Variants in COL19A1 observed in about 807,000 individuals in gnomAD.
The protein encoded by COL19A1 is collagen type XIX alpha 1 chain.
Under a neutral mutation model 190.2 loss-of-function variants are expected in COL19A1, and 159 were observed. The observed-to-expected ratio is 0.84, with a 90% CI of 0.73 to 0.95. COL19A1 has a LOEUF of 0.95. Among genes scored for constraint, COL19A1 ranks in the 40% least tolerant of loss-of-function variants. COL19A1 has a pLI of 0.00. For missense variants in COL19A1, 1,418 were observed against 1,431.9 expected, an observed-to-expected ratio of 0.99 and a Z score of 0.16; for synonymous variants, 509 against 458.9, an observed-to-expected ratio of 1.11 and a Z score of -1.39.
At chr6:70,168,998 T>C (rs987065590) in intron 40 of COL19A1, among the ~76,000 whole-genome samples, 1 of 152,120 alleles carries the variant, frequency 6.6e-6, no homozygotes, top group Admixed American at 6.5e-5. Flanking sequence ...TGATAATTGA[T>C]TCAATTTTAA....
intron 42 of COL19A1, among the ~76,000 whole-genome samples, chr6:70,177,341 A>G (rs1562246466): frequency 6.6e-6 from 1 of 152,074 alleles, no homozygotes; most frequent in Non-Finnish European, 1.5e-5. Flanking sequence ...ATAAGATAAG[A>G]TAAAGGCCCT....
At chr6:69,886,410 A>G (rs897731626) in intron 2 of COL19A1, among the ~76,000 whole-genome samples, 10 of 152,188 alleles carry the variant, frequency 6.6e-5, no homozygotes, top group African/African-American at 2.4e-4. Flanking sequence ...CCATTATGGA[A>G]AACAGTATGG....
intron 4 of COL19A1, among the ~76,000 whole-genome samples, chr6:69,921,243 A>G (rs1771747757): frequency 7.6e-6 from 1 of 131,670 alleles, no homozygotes; most frequent in Admixed American, 8.8e-5. Flanking sequence ...ATATATCCAT[A>G]TATGTCATAT....
intron 2 of COL19A1, among the ~76,000 whole-genome samples, chr6:69,881,733 A>G (rs1455843569): frequency 1.3e-5 from 2 of 152,278 alleles, no homozygotes; most frequent in East Asian, 3.8e-4. Flanking sequence ...TAATAAAAGA[A>G]AAAATTACGT....
intron 15 of COL19A1, among the ~76,000 whole-genome samples, chr6:70,079,361 G>A (rs1782094279): frequency 6.6e-6 from 1 of 152,180 alleles, no homozygotes; most frequent in South Asian, 2.1e-4. Flanking sequence ...TAAGATGTGA[G>A]CTGAGTAGAA....
intron 31 of COL19A1, among the ~76,000 whole-genome samples, 185 bp downstream of exon 31, chr6:70,151,623 T>C (rs1787061837): frequency 6.6e-6 from 1 of 152,152 alleles, no homozygotes; most frequent in Admixed American, 6.6e-5. Context: ...ATCCTAATTC[T>C]TTCACTCTCT....
chr6:70,072,850 A>T (rs530981878), intron 15 of COL19A1, among the ~76,000 whole-genome samples: 1 of 152,162 alleles, frequency 6.6e-6, no homozygotes, highest in African/African-American at 2.4e-5. Context: ...AGCCTACAAA[A>T]GTACAGGAGG....
intron 15 of COL19A1, among the ~76,000 whole-genome samples, chr6:70,101,328 T>A (rs1345369174): frequency 6.6e-6 from 1 of 152,074 alleles, no homozygotes; most frequent in Non-Finnish European, 1.5e-5. Flanking sequence ...TTTAAAAATT[T>A]AAAAAATAAA....
chr6:69,924,901 T>C (rs1246462258), intron 4 of COL19A1, among the ~76,000 whole-genome samples: 1 of 152,222 alleles, frequency 6.6e-6, no homozygotes, highest in Non-Finnish European at 1.5e-5. Context: ...GAAGTGTCTG[T>C]TCACATCCTT....
intron 17 of COL19A1, among the ~76,000 whole-genome samples, chr6:70,128,583 A>C (rs1321279610): frequency 1.3e-5 from 2 of 152,238 alleles, no homozygotes; most frequent in Non-Finnish European, 2.9e-5. Flanking sequence ...TGTCAAATAC[A>C]TATGTGTTTA....
intron 14 of COL19A1, among the ~76,000 whole-genome samples, chr6:70,044,912 AGTTT>A (rs1779825805): frequency 6.6e-6 from 1 of 152,076 alleles, no homozygotes; most frequent in Non-Finnish European, 1.5e-5. Flanking sequence ...AAGCTAGTGA[AGTTT>A]ATTTTATATT....
intron 46 of COL19A1, among the ~76,000 whole-genome samples, chr6:70,187,832 G>A (rs896753427): frequency 1.3e-5 from 2 of 151,774 alleles, no homozygotes; most frequent in Non-Finnish European, 2.9e-5. Context: ...GTACTGCCAA[G>A]GTGCCAGGCA....
intron 49 of COL19A1, among the ~76,000 whole-genome samples, chr6:70,202,347 G>A (rs1767603752): frequency 6.6e-6 from 1 of 152,184 alleles, no homozygotes; most frequent in African/African-American, 2.4e-5. Context: ...TGCTAATAGA[G>A]CTTGTGGATG....
In COL19A1 at chr6:70,002,123, C is replaced by A. The variant is rs113833707; in HGVS notation, c.1027-21504C>A. Among the ~76,000 whole-genome samples, 780 of 152,182 alleles carry A rather than the reference C, an allele frequency of 5.1e-3. 10 individuals carry two copies. The highest frequency in any genetic ancestry group is 0.018 in the African/African-American group (735 of 41,502). On this transcript the variant is annotated intron_variant, in intron 11 of 50. Transcript: ENST00000620364. ...CCATTTCTGCATATATAGAGATAAT[C>A]ATGTGGTTTTTGTCTTTGGTTCTGT...
intron 11 of COL19A1, among the ~76,000 whole-genome samples, chr6:69,986,311 A>G (rs1222773531): frequency 6.6e-6 from 1 of 150,960 alleles, no homozygotes; most frequent in Non-Finnish European, 1.5e-5. Context: ...GTGAGGGATT[A>G]TATGTTTCAG....
intron 2 of COL19A1, among the ~76,000 whole-genome samples, chr6:69,881,495 A>G (rs1016942536): frequency 6.6e-6 from 1 of 152,256 alleles, no homozygotes; most frequent in Non-Finnish European, 1.5e-5. Flanking sequence ...ATCATCTTGC[A>G]TAACTAACAC....
At chr6:70,062,303 C>A (rs1285234133) in intron 14 of COL19A1, among the ~76,000 whole-genome samples, 1 of 151,816 alleles carries the variant, frequency 6.6e-6, no homozygotes, top group East Asian at 1.9e-4. Context: ...CAAATGAAAG[C>A]CATCTGATTT....
At chr6:70,098,341 C>T (rs1783413019) in intron 15 of COL19A1, 2 of 460,048 alleles carry the variant, frequency 4.3e-6, no homozygotes, top group African/African-American at 2.0e-5. Flanking sequence ...CAGTTAGCTC[C>T]TTTTTTAAAA....
intron 15 of COL19A1, among the ~76,000 whole-genome samples, chr6:70,084,081 A>T (rs1782441001): frequency 6.6e-6 from 1 of 152,168 alleles, no homozygotes. Context: ...TTACACAAAG[A>T]TTTAAACAGA....
Sources: allele counts gnomAD v4.1 joint callset (sites outside exome capture counted in the v4.1 genomes callset), GRCh38; gene constraint gnomAD v4.1.1; transcripts MANE v1.5; gene names NCBI Gene and HGNC (gene_info 2026-07-23, HGNC 2026-07-21).